PSMA1: variants seen among roughly 807,000 people sequenced by gnomAD.
The protein encoded by PSMA1 is proteasome subunit alpha type-1.
A neutral mutation model predicts 38.4 loss-of-function variants in PSMA1; 3 were observed. The observed-to-expected ratio is 0.08, with a 90% CI of 0.04 to 0.20. PSMA1 has a LOEUF of 0.20. PSMA1 is among the 10% of genes least tolerant of loss of function. The pLI, the probability that PSMA1 is intolerant of heterozygous loss-of-function variation, is 1.00. For synonymous variants in PSMA1, 101 were observed against 107.1 expected (o/e 0.94, Z 0.35); for missense variants, 227 against 325.3 (o/e 0.70, Z 2.32).
intron 1 of PSMA1, among the ~76,000 whole-genome samples, chr11:14,624,541 T>C (rs771222560): frequency 6.6e-6 from 1 of 151,948 alleles, no homozygotes; most frequent in Non-Finnish European, 1.5e-5. Flanking sequence ...GGGCTGGAGG[T>C]CCCGAGAGGG....
At chr11:14,508,011 T>C (rs1464411912) in intron 8 of PSMA1, among the ~76,000 whole-genome samples, 1 of 152,190 alleles carries the variant, frequency 6.6e-6, no homozygotes, top group Non-Finnish European at 1.5e-5. Flanking sequence ...TCTAGAAACA[T>C]TTTTTTAAAA....
intron 2 of PSMA1, among the ~76,000 whole-genome samples, chr11:14,595,754 T>C (rs948905607): frequency 1.8e-4 from 28 of 152,326 alleles, no homozygotes; most frequent in African/African-American, 5.5e-4. Context: ...TAATTAGATC[T>C]CATTTGTCAA....
chr11:14,563,837 T>G (rs934280782), intron 2 of PSMA1, among the ~76,000 whole-genome samples: 6 of 152,210 alleles, frequency 3.9e-5, no homozygotes, highest in Non-Finnish European at 7.3e-5. Context: ...ATTTCCTAGT[T>G]TCTAAGTTGT....
chr11:14,575,694 A>G (rs1852204802), intron 2 of PSMA1, among the ~76,000 whole-genome samples: 1 of 152,096 alleles, frequency 6.6e-6, no homozygotes, highest in Non-Finnish European at 1.5e-5. Context: ...AGTCTTTGCT[A>G]TTGTGAATAG....
intron 2 of PSMA1, among the ~76,000 whole-genome samples, chr11:14,589,122 T>C (rs372552489): frequency 1.3e-5 from 2 of 152,216 alleles, no homozygotes; most frequent in South Asian, 2.1e-4. Context: ...GCATGGCTTA[T>C]TTCCTCACCT....
chr11:14,528,370 T>G (rs553285196), intron 2 of PSMA1, among the ~76,000 whole-genome samples: 2 of 151,934 alleles, frequency 1.3e-5, no homozygotes, highest in East Asian at 3.9e-4. Context: ...TCAATTCATA[T>G]AAAACCACAT....
chr11:14,604,226 A>AT (rs1312861280), intron 2 of PSMA1, among the ~76,000 whole-genome samples: 1 of 152,082 alleles, frequency 6.6e-6, no homozygotes, highest in African/African-American at 2.4e-5. Flanking sequence ...CGCCCGGCTA[A>AT]TTTTTTTGTA....
chr11:14,641,164 A>T (rs1403062936), intron 1 of PSMA1, among the ~76,000 whole-genome samples: 1 of 151,878 alleles, frequency 6.6e-6, no homozygotes, highest in Non-Finnish European at 1.5e-5. Flanking sequence ...GTATCCCAGA[A>T]CTTAAAGTAT....
intron 2 of PSMA1, among the ~76,000 whole-genome samples, 158 bp from the exon 3 acceptor site, chr11:14,518,139 C>T (rs1851466174): frequency 6.7e-6 from 1 of 150,130 alleles, no homozygotes; most frequent in East Asian, 2.0e-4. Context: ...CTCACTCTGT[C>T]ACCCAGGCTG....
intron 1 of PSMA1, among the ~76,000 whole-genome samples, chr11:14,638,564 TATATATATATATATATATA>T (rs1853149770): frequency 5.3e-5 from 1 of 18,774 alleles, no homozygotes; most frequent in African/African-American, 1.8e-4. Context: ...TATATATATA[TATATATATATATATATATA>T]TATTTTTTTT....
intron 2 of PSMA1, among the ~76,000 whole-genome samples, chr11:14,595,717 C>CGG (rs1207263095): frequency 6.6e-6 from 1 of 152,128 alleles, no homozygotes; most frequent in Non-Finnish European, 1.5e-5. Flanking sequence ...ATGGTAGTTT[C>CGG]TTTTGCTGTG....
chr11:14,590,558 G>A (rs781561173), intron 2 of PSMA1, among the ~76,000 whole-genome samples: 3 of 152,170 alleles, frequency 2.0e-5, no homozygotes, highest in Non-Finnish European at 4.4e-5. Flanking sequence ...GGGCATCACT[G>A]CTGAAAAAAT....
At chr11:14,539,924 G>A (rs1456194767) in intron 2 of PSMA1, among the ~76,000 whole-genome samples, 1 of 151,846 alleles carries the variant, frequency 6.6e-6, no homozygotes, top group Non-Finnish European at 1.5e-5. Context: ...AATCCTATAT[G>A]GCTAAGATAA....
intron 2 of PSMA1, among the ~76,000 whole-genome samples, chr11:14,580,815 G>A (rs1027408355): frequency 1.7e-4 from 26 of 152,160 alleles, no homozygotes; most frequent in African/African-American, 6.3e-4. Context: ...AGGAAACTGA[G>A]AGATTATCCA....
At chr11:14,611,027 A>G (rs1426156140) in exon 2 of PSMA1, 9 of 1,593,126 alleles carry the variant, frequency 5.6e-6, no homozygotes, top group South Asian at 1.1e-5. Context: ...CCAACATACA[A>G]CATAGGTCTG....
chr11:14,557,705 G>C lies in PSMA1; in HGVS notation c.22-38664C>G, dbSNP rs373383310. Among the ~76,000 whole-genome samples, 45 of 152,248 alleles carry C rather than the reference G, an allele frequency of 3.0e-4. No homozygotes were observed. In the East Asian group the frequency reaches 8.5e-3, roughly 29 times the overall value. Reference sequence around the variant, plus strand: ...AATCCCTTGTTTTCAGTTGTGTCTAGCATATACTGCCCAGAGCGTTTGACC... The same window carrying C: ...AATCCCTTGTTTTCAGTTGTGTCTACCATATACTGCCCAGAGCGTTTGACC... On this transcript the variant is annotated intron_variant, in intron 2 of 10. Transcript: ENST00000418988.
chr11:14,514,265 G>T (rs1045826771), intron 5 of PSMA1, 138 bp downstream of exon 5: 20 of 1,384,098 alleles, frequency 1.4e-5, no homozygotes, highest in Non-Finnish European at 1.8e-5. Flanking sequence ...AAAGGCTAAT[G>T]AAAGAGCAAT....
At chr11:14,596,069 T>C (rs1411713615) in intron 2 of PSMA1, among the ~76,000 whole-genome samples, 1 of 152,226 alleles carries the variant, frequency 6.6e-6, no homozygotes, top group Non-Finnish European at 1.5e-5. Context: ...TGTGGTATTA[T>C]TTCTGAAGCC....
At chr11:14,518,106 T>A in intron 2 of PSMA1, 125 bp from the exon 3 acceptor site, 4 of 188,666 alleles carry the variant, frequency 2.1e-5, no homozygotes, top group Non-Finnish European at 4.1e-5. Flanking sequence ...TCAAGAGACC[T>A]TTTTTTTTTT....
Sources: allele counts gnomAD v4.1 joint callset (sites outside exome capture counted in the v4.1 genomes callset), GRCh38; gene constraint gnomAD v4.1.1; transcripts MANE v1.5; gene names NCBI Gene and HGNC (gene_info 2026-07-23, HGNC 2026-07-21).